Variants in GRB10 observed in about 807,000 individuals in gnomAD.
GRB10 encodes the protein growth factor receptor bound protein 10, also known as growth factor receptor-bound protein 10.
Under a neutral mutation model 80.9 loss-of-function variants are expected in GRB10, and 20 were observed. The ratio of observed to expected loss-of-function variants is 0.25; its 90% CI spans 0.17 to 0.36. The LOEUF (loss-of-function observed/expected upper bound fraction) is 0.36, where lower values mean the gene tolerates loss of function less well. GRB10 is among the 10% of genes least tolerant of loss of function. The pLI is 1.00. For missense variants in GRB10, 548 were observed against 747.7 expected (o/e 0.73, Z 3.12); for synonymous variants, 291 against 291.5 (o/e 1.00, Z 0.02).
intron 3 of GRB10, among the ~76,000 whole-genome samples, chr7:50,733,056 T>C (rs1563642757): frequency 6.6e-6 from 1 of 152,218 alleles, no homozygotes; most frequent in Non-Finnish European, 1.5e-5. Context: ...TACCTCAGAA[T>C]GTGACTGTAT....
intron 12 of GRB10, among the ~76,000 whole-genome samples, chr7:50,614,096 A>G (rs1166987828): frequency 6.6e-6 from 1 of 152,130 alleles, no homozygotes; most frequent in African/African-American, 2.4e-5. Context: ...TACCACCACA[A>G]CCTCATCAGG....
At chr7:50,603,029 A>C (rs368840482) in intron 17 of GRB10, among the ~76,000 whole-genome samples, 2 of 152,218 alleles carry the variant, frequency 1.3e-5, no homozygotes, top group Non-Finnish European at 1.5e-5. Flanking sequence ...TTCATTATAC[A>C]CTTATGTAAA....
intron 5 of GRB10, among the ~76,000 whole-genome samples, chr7:50,701,862 C>G (rs2064280136): frequency 6.6e-6 from 1 of 152,216 alleles, no homozygotes; most frequent in African/African-American, 2.4e-5. Flanking sequence ...ATTATTCTTT[C>G]ATGCATCTGT....
chr7:50,631,905 G>T (rs375220064), intron 7 of GRB10, among the ~76,000 whole-genome samples: 1 of 152,108 alleles, frequency 6.6e-6, no homozygotes, highest in African/African-American at 2.4e-5. Flanking sequence ...TCTAACCAGG[G>T]CTCCCCGCCC....
At chr7:50,673,743 A>C (rs2060601457) in intron 6 of GRB10, among the ~76,000 whole-genome samples, 1 of 151,964 alleles carries the variant, frequency 6.6e-6, no homozygotes, top group Admixed American at 6.5e-5. Flanking sequence ...GCCCCTTCAC[A>C]CGCCTGTCCA....
At chr7:50,768,928 G>A (rs2076674593) in intron 2 of GRB10, among the ~76,000 whole-genome samples, 1 of 152,184 alleles carries the variant, frequency 6.6e-6, no homozygotes, top group Non-Finnish European at 1.5e-5. Context: ...TTTACTTCTT[G>A]GAACAGAGGC....
intron 7 of GRB10, among the ~76,000 whole-genome samples, chr7:50,646,590 A>G (rs1167790704): frequency 6.6e-6 from 1 of 152,130 alleles, no homozygotes; most frequent in Admixed American, 6.5e-5. Flanking sequence ...ATATGGTAAT[A>G]AGTCATGGCA....
chr7:50,679,195 C>A (rs921398877), intron 5 of GRB10, among the ~76,000 whole-genome samples: 2 of 152,174 alleles, frequency 1.3e-5, no homozygotes, highest in African/African-American at 4.8e-5. Flanking sequence ...CTTGTCTGAT[C>A]TCAAATTCAC....
At chr7:50,611,872 G>A (rs1477014088) in intron 13 of GRB10, among the ~76,000 whole-genome samples, 1 of 152,112 alleles carries the variant, frequency 6.6e-6, no homozygotes, top group African/African-American at 2.4e-5. Context: ...TTGACTAAAC[G>A]AACATCTCCT....
intron 7 of GRB10, among the ~76,000 whole-genome samples, chr7:50,649,169 C>G (rs2057666291): frequency 6.6e-6 from 1 of 152,078 alleles, no homozygotes; most frequent in African/African-American, 2.4e-5. Context: ...AATAAGAGAC[C>G]CTGTCCCTGT....
intron 17 of GRB10, among the ~76,000 whole-genome samples, chr7:50,596,865 A>G (rs1246223979): frequency 6.6e-6 from 1 of 152,216 alleles, no homozygotes; most frequent in Admixed American, 6.5e-5. Flanking sequence ...GAATAGCACA[A>G]AAAAGGCATA....
At position 50,590,778 on chromosome 7, in the gene GRB10, A is replaced by T. The variant is rs898789110; in HGVS notation, c.*2174T>A. 3 of 152,494 alleles carry T rather than the reference A, an allele frequency of 2.0e-5. No individual in the cohort carries two copies. The highest frequency in any genetic ancestry group is 7.2e-5 in the African/African-American group (3 of 41,462). 9.4% of individuals were successfully genotyped at this position (152,494 alleles called of 1,614,324 possible). On this transcript the variant is annotated 3_prime_UTR_variant, in exon 19 of 19. Transcript: ENST00000401949. The stretch of plus-strand genomic sequence containing the variant: ...CTGCCGCCACGTGGAGGCGGTTTAC[A>T]TTCTCCAACAATTCACTTCGGCAGG...
At chr7:50,664,344 G>A (rs1586582579) in intron 7 of GRB10, among the ~76,000 whole-genome samples, 1 of 152,124 alleles carries the variant, frequency 6.6e-6, no homozygotes, top group East Asian at 1.9e-4. Flanking sequence ...GCACCTGCAG[G>A]AAGAAAATGG....
chr7:50,699,519 T>C (rs77815210), intron 5 of GRB10, among the ~76,000 whole-genome samples: 4,683 of 152,288 alleles, frequency 0.031, 247 homozygotes, highest in African/African-American at 0.11. Flanking sequence ...GAAATGATTA[T>C]TTTTTTCCCT....
intron 2 of GRB10, chr7:50,779,789 G>GA (rs887863114): frequency 3.3e-5 from 5 of 152,036 alleles, no homozygotes; most frequent in Non-Finnish European, 5.9e-5. Context: ...CACAGGAAAG[G>GA]AAAAAAATTA....
chr7:50,729,249 G>A (rs761992339), intron 4 of GRB10: 4 of 152,196 alleles, frequency 2.6e-5, no homozygotes, highest in Non-Finnish European at 5.9e-5. Flanking sequence ...AGAAAACTAT[G>A]AAAATAAAAA....
intron 5 of GRB10, among the ~76,000 whole-genome samples, chr7:50,693,720 A>AT (rs2063098283): frequency 6.6e-6 from 1 of 152,150 alleles, no homozygotes. Flanking sequence ...GAACAAAGGC[A>AT]TGATGAATGT....
intron 13 of GRB10, 102 bp downstream of exon 13, chr7:50,612,639 G>A: frequency 1.3e-6 from 1 of 768,858 alleles, no homozygotes. Flanking sequence ...CAGAACAGCG[G>A]AAAAGTTACG....
chr7:50,624,520 T>C (rs1289416810), intron 8 of GRB10, among the ~76,000 whole-genome samples: 1 of 152,206 alleles, frequency 6.6e-6, no homozygotes, highest in African/African-American at 2.4e-5. Context: ...TTAAAAAACG[T>C]TAAGTGATAT....
Sources: gnomAD v4.1 joint callset for allele counts (sites outside exome capture counted in the v4.1 genomes callset) on GRCh38, gnomAD v4.1.1 for gene constraint, MANE v1.5 for transcripts, NCBI Gene and HGNC (gene_info 2026-07-23, HGNC 2026-07-21) for gene names.